Variants in RERE observed in about 807,000 individuals in gnomAD.
RERE encodes the protein arginine-glutamic acid dipeptide repeats protein.
Under a neutral mutation model 146.1 loss-of-function variants are expected in RERE, and 40 were observed. The observed-to-expected ratio is 0.27, with a 90% CI of 0.21 to 0.36. RERE has a LOEUF of 0.36. Among genes scored for constraint, RERE ranks in the 10% least tolerant of loss-of-function variants. The pLI, the probability that RERE is intolerant of heterozygous loss-of-function variation, is 1.00. For synonymous variants in RERE, 1,003 were observed against 866.0 expected, an observed-to-expected ratio of 1.16 and a Z score of -2.78; for missense variants, 1,933 against 2,138.7, an observed-to-expected ratio of 0.90 and a Z score of 1.90.
At chr1:8,778,062 C>T (rs1641101410) in intron 1 of RERE, among the ~76,000 whole-genome samples, 1 of 152,086 alleles carries the variant, frequency 6.6e-6, no homozygotes, top group South Asian at 2.1e-4. Context: ...AAGAATACAG[C>T]AGCTCAATCA....
At chr1:8,815,576 G>A (rs920817423) in intron 1 of RERE, among the ~76,000 whole-genome samples, 1 of 152,166 alleles carries the variant, frequency 6.6e-6, no homozygotes, top group Non-Finnish European at 1.5e-5. Flanking sequence ...GGGAGGCAGA[G>A]AGAAGAGAAG....
intron 1 of RERE, among the ~76,000 whole-genome samples, chr1:8,785,029 C>T (rs1247324838): frequency 1.3e-5 from 2 of 152,170 alleles, no homozygotes; most frequent in Admixed American, 1.3e-4. Flanking sequence ...TCCAATGCTC[C>T]ACCTAGGTAA....
intron 4 of RERE, among the ~76,000 whole-genome samples, chr1:8,581,097 A>G (rs910173802): frequency 9.2e-5 from 14 of 152,208 alleles, no homozygotes; most frequent in African/African-American, 3.4e-4. Context: ...TACCATCTTC[A>G]TTGCCACCAA....
rs1416258785 is a variant in RERE at position 8,358,616 on chromosome 1, G to A, written c.3919C>T (p.Arg1307Trp). 4 of 1,590,490 alleles carry A rather than the reference G, an allele frequency of 2.5e-6. No homozygotes were observed. Among genetic ancestry groups the A allele is most frequent in the Non-Finnish European group, 3.4e-6 (4 of 1,169,492 alleles). The change falls in exon 20 of 23, where the codon CGG (arginine) becomes TGG (tryptophan). Residue 1307 changes from arginine to tryptophan, a missense_variant. Coordinates refer to ENST00000400908, the MANE Select transcript of RERE (RefSeq NM_001042681.2). ...PTIRERELRE[R>W]EIREREIRER... is the part of the protein sequence containing the mutation. ...CGGATCTCCCGCTCTCGGATCTCCC[G>A]CTCCCGGAGCTCCCGCTCGCGGATG...
intron 12 of RERE, among the ~76,000 whole-genome samples, chr1:8,400,534 G>A (rs769502627): frequency 2.6e-5 from 4 of 152,038 alleles, no homozygotes; most frequent in Non-Finnish European, 4.4e-5. Context: ...TTATAGGAGT[G>A]AGTCACCTCA....
intron 1 of RERE, among the ~76,000 whole-genome samples, chr1:8,758,645 C>A (rs1476522060): frequency 2.0e-5 from 3 of 151,928 alleles, no homozygotes; most frequent in Non-Finnish European, 2.9e-5. Context: ...GCCTCATCAA[C>A]CTTTTTTTTG....
chr1:8,774,224 CCT>C (rs1425504038), intron 1 of RERE, among the ~76,000 whole-genome samples: 1 of 152,026 alleles, frequency 6.6e-6, no homozygotes, highest in African/African-American at 2.4e-5. Flanking sequence ...CTCAACTGTA[CCT>C]GTCTTTCTTT....
intron 19 of RERE, 21 bp downstream of exon 19, chr1:8,359,743 C>T: frequency 6.3e-7 from 1 of 1,597,580 alleles, no homozygotes; most frequent in Non-Finnish European, 8.5e-7. Context: ...CCCCGTCACA[C>T]CTCGCCAACC....
At chr1:8,593,952 G>A (rs1239453239) in intron 4 of RERE, among the ~76,000 whole-genome samples, 1 of 152,026 alleles carries the variant, frequency 6.6e-6, no homozygotes, top group Admixed American at 6.6e-5. Context: ...TACCAACCCG[G>A]GGCAGCACAC....
intron 6 of RERE, among the ~76,000 whole-genome samples, chr1:8,549,275 G>A (rs1314825669): frequency 1.3e-5 from 2 of 152,170 alleles, no homozygotes; most frequent in Admixed American, 6.5e-5. Flanking sequence ...AGAACATCTT[G>A]TGGAGCTAGA....
At chr1:8,451,971 A>G (rs1644396076) in intron 11 of RERE, among the ~76,000 whole-genome samples, 1 of 152,204 alleles carries the variant, frequency 6.6e-6, no homozygotes. Flanking sequence ...TAAACTTCTC[A>G]GTCAAAAGTG....
chr1:8,715,202 A>G (rs941810513), intron 1 of RERE, among the ~76,000 whole-genome samples: 2 of 151,792 alleles, frequency 1.3e-5, no homozygotes, highest in Non-Finnish European at 2.9e-5. Context: ...ATAACAATAT[A>G]TACATGCCTA....
chr1:8,738,287 T>G (rs1640240052), intron 1 of RERE, among the ~76,000 whole-genome samples: 1 of 152,128 alleles, frequency 6.6e-6, no homozygotes, highest in Non-Finnish European at 1.5e-5. Context: ...GTTGTTCTTT[T>G]TTTTTATTTT....
chr1:8,729,443 T>C (rs967900048), intron 1 of RERE, among the ~76,000 whole-genome samples: 8 of 151,722 alleles, frequency 5.3e-5, no homozygotes, highest in African/African-American at 1.9e-4. Flanking sequence ...CAGGCTGGTT[T>C]CGAACTCTTG....
intron 7 of RERE, among the ~76,000 whole-genome samples, chr1:8,518,815 T>C (rs1410022256): frequency 2.0e-5 from 3 of 152,254 alleles, no homozygotes; most frequent in Admixed American, 6.5e-5. Context: ...TCCCATCATA[T>C]ATTCCCATTC....
intron 1 of RERE, among the ~76,000 whole-genome samples, chr1:8,813,209 T>C (rs1321490292): frequency 3.3e-5 from 5 of 152,236 alleles, no homozygotes; most frequent in Non-Finnish European, 7.3e-5. Flanking sequence ...ATAGCTTTTC[T>C]TTCAGGATGT....
intron 7 of RERE, among the ~76,000 whole-genome samples, chr1:8,539,060 A>C (rs972640149): frequency 6.6e-6 from 1 of 152,238 alleles, no homozygotes; most frequent in Non-Finnish European, 1.5e-5. Context: ...AGTTGTTACA[A>C]ACCTGAGAGT....
At chr1:8,518,813 T>A (rs774480426) in intron 7 of RERE, among the ~76,000 whole-genome samples, 21 of 152,250 alleles carry the variant, frequency 1.4e-4, no homozygotes, top group Non-Finnish European at 2.4e-4. Flanking sequence ...TATCCCATCA[T>A]ATATTCCCAT....
intron 2 of RERE, among the ~76,000 whole-genome samples, chr1:8,640,957 T>TA (rs1365468489): frequency 6.6e-6 from 1 of 152,220 alleles, no homozygotes; most frequent in African/African-American, 2.4e-5. Flanking sequence ...CTGCAGTATT[T>TA]AAAACTTTTT....
Sources: allele counts gnomAD v4.1 joint callset (sites outside exome capture counted in the v4.1 genomes callset), GRCh38; gene constraint gnomAD v4.1.1; transcripts MANE v1.5; gene names NCBI Gene and HGNC (gene_info 2026-07-23, HGNC 2026-07-21).